Variants in ANTXR2 observed in about 807,000 individuals in gnomAD.
ANTXR2 encodes anthrax toxin receptor 2.
ANTXR2 carries 44 observed loss-of-function variants against 73.7 expected under a neutral mutation model. That is an observed-to-expected ratio of 0.60 (90% CI 0.47 to 0.77). ANTXR2 has a LOEUF of 0.77. Among genes scored for constraint, ANTXR2 ranks in the 30% least tolerant of loss-of-function variants. The probability of loss-of-function intolerance (pLI) is 0.00; values close to 1 mark genes in which losing one functional copy is unlikely to be tolerated. For missense variants in ANTXR2, 604 were observed against 592.5 expected, an observed-to-expected ratio of 1.02 and a Z score of -0.20; for synonymous variants, 217 against 205.9, an observed-to-expected ratio of 1.05 and a Z score of -0.46.
intron 12 of ANTXR2, among the ~76,000 whole-genome samples, chr4:80,008,189 C>G (rs1308516954): frequency 6.6e-6 from 1 of 152,122 alleles, no homozygotes; most frequent in Non-Finnish European, 1.5e-5. Context: ...TTATCAACTC[C>G]TCTCAATGAA....
chr4:80,067,149 T>C (rs1385971461), intron 3 of ANTXR2, among the ~76,000 whole-genome samples: 1 of 150,880 alleles, frequency 6.6e-6, no homozygotes, highest in African/African-American at 2.4e-5. Flanking sequence ...GAGCTTGCAG[T>C]GAGCCAAGAT....
chr4:80,023,641 G>C (rs1732280866), intron 10 of ANTXR2, among the ~76,000 whole-genome samples: 1 of 152,168 alleles, frequency 6.6e-6, no homozygotes. Context: ...TTTTCCTGCA[G>C]GAAGTCGACT....
intron 7 of ANTXR2, among the ~76,000 whole-genome samples, chr4:80,039,610 C>T (rs1733138533): frequency 6.6e-6 from 1 of 151,976 alleles, no homozygotes; most frequent in South Asian, 2.1e-4. Context: ...ATCAGAATGG[C>T]TATTATTAAA....
chr4:80,067,524 G>C (rs747858724), intron 3 of ANTXR2, among the ~76,000 whole-genome samples: 5 of 152,160 alleles, frequency 3.3e-5, no homozygotes, highest in African/African-American at 9.7e-5. Flanking sequence ...ATGTTAAAAT[G>C]GTTCTTTTTT....
At chr4:79,999,593 G>A (rs1485150693) in intron 12 of ANTXR2, among the ~76,000 whole-genome samples, 1 of 151,816 alleles carries the variant, frequency 6.6e-6, no homozygotes, top group Non-Finnish European at 1.5e-5. Flanking sequence ...GAATTTAAAG[G>A]ACCCCAATCA....
chr4:79,949,174 C>G (rs971637565), intron 16 of ANTXR2, among the ~76,000 whole-genome samples: 1 of 152,074 alleles, frequency 6.6e-6, no homozygotes, highest in Non-Finnish European at 1.5e-5. Context: ...AAAGGAAAGA[C>G]AGAGGACGCA....
intron 13 of ANTXR2, 86 bp downstream of exon 13, chr4:79,984,733 A>T: frequency 8.5e-7 from 1 of 1,173,864 alleles, no homozygotes; most frequent in South Asian, 1.3e-5. Flanking sequence ...ATAGTTATCT[A>T]ACAGACAAAA....
At chr4:79,926,685 C>T (rs1232479015) in intron 16 of ANTXR2, among the ~76,000 whole-genome samples, 1 of 152,068 alleles carries the variant, frequency 6.6e-6, no homozygotes, top group African/African-American at 2.4e-5. Context: ...GTTACTCTAA[C>T]TTATTATCTA....
chr4:79,915,812 CTG>C (rs1333858429), intron 16 of ANTXR2, among the ~76,000 whole-genome samples: 235 of 127,026 alleles, frequency 1.9e-3, no homozygotes, highest in African/African-American at 6.1e-3. Flanking sequence ...GTCTCTGTCT[CTG>C]TCTCTGTCTC....
chr4:79,943,482 A>G (rs1728390858), intron 16 of ANTXR2, among the ~76,000 whole-genome samples: 1 of 46,790 alleles, frequency 2.1e-5, no homozygotes, highest in Non-Finnish European at 4.4e-5. Context: ...AACTATCGCA[A>G]GAACAAAAAA....
In ANTXR2 at chr4:80,040,423, A is replaced by G. The variant is rs115144585; in HGVS notation, c.637-4391T>C. ...CAAATTAAATAATATTACTGACTGAACATTGGATCAGGTGTCCCATCCACA... is the reference window on the plus strand; with the variant it reads ...CAAATTAAATAATATTACTGACTGAGCATTGGATCAGGTGTCCCATCCACA... On this transcript the variant is annotated intron_variant, in intron 7 of 16. Transcript: ENST00000403729. Among the ~76,000 whole-genome samples the G allele has an allele frequency of 7.7e-3, 1,173 of 152,216 alleles. 17 individuals carry two copies. The highest frequency in any genetic ancestry group is 0.027 in the African/African-American group (1,136 of 41,550).
At chr4:79,976,157 C>T (rs893688824) in intron 16 of ANTXR2, among the ~76,000 whole-genome samples, 1 of 152,034 alleles carries the variant, frequency 6.6e-6, no homozygotes, top group African/African-American at 2.4e-5. Context: ...CGTGATCCGC[C>T]CGCCTCGGCT....
At chr4:79,936,977 G>T (rs1385713790) in intron 16 of ANTXR2, among the ~76,000 whole-genome samples, 3 of 151,986 alleles carry the variant, frequency 2.0e-5, no homozygotes, top group Non-Finnish European at 4.4e-5. Context: ...ATGGATAATT[G>T]ATTATGTATT....
chr4:80,002,625 C>A (rs1731100704), intron 12 of ANTXR2, among the ~76,000 whole-genome samples: 2 of 151,860 alleles, frequency 1.3e-5, no homozygotes, highest in African/African-American at 4.8e-5. Context: ...CAACAGGCAA[C>A]CTACAAAATG....
intron 16 of ANTXR2, among the ~76,000 whole-genome samples, chr4:79,966,686 A>G (rs1413877552): frequency 6.6e-6 from 1 of 152,190 alleles, no homozygotes; most frequent in Non-Finnish European, 1.5e-5. Flanking sequence ...TACAGATTAT[A>G]TCACTGCCCC....
intron 14 of ANTXR2, 72 bp downstream of exon 14, chr4:79,983,806 T>C: frequency 2.5e-6 from 3 of 1,183,056 alleles, no homozygotes; most frequent in Non-Finnish European, 3.8e-6. Context: ...TGAAAAGTAG[T>C]TTCTATGGCT....
intron 12 of ANTXR2, among the ~76,000 whole-genome samples, chr4:80,001,325 C>T (rs1458634626): frequency 8.1e-6 from 1 of 123,650 alleles, no homozygotes; most frequent in Admixed American, 9.5e-5. Context: ...CCTCCCCCCA[C>T]CCCACAACAG....
At chr4:79,929,094 C>T (rs1002438225) in intron 16 of ANTXR2, among the ~76,000 whole-genome samples, 2 of 152,080 alleles carry the variant, frequency 1.3e-5, no homozygotes, top group Non-Finnish European at 2.9e-5. Flanking sequence ...TTCTCTCAGT[C>T]GTTTAAGTTG....
At chr4:80,031,517 C>G (rs1732692857) in intron 10 of ANTXR2, 106 bp downstream of exon 10, 2 of 893,452 alleles carry the variant, frequency 2.2e-6, no homozygotes, top group Non-Finnish European at 3.2e-6. Context: ...TTTTAATGCT[C>G]TGTATATCAA....
Sources: allele counts gnomAD v4.1 joint callset (sites outside exome capture counted in the v4.1 genomes callset), GRCh38; gene constraint gnomAD v4.1.1; transcripts MANE v1.5; gene names NCBI Gene and HGNC (gene_info 2026-07-23, HGNC 2026-07-21).